GLG1: variants seen among roughly 807,000 people sequenced by gnomAD.
GLG1 encodes golgi glycoprotein 1, also known as Golgi apparatus protein 1.
Under a neutral mutation model 160.5 loss-of-function variants are expected in GLG1, and 38 were observed. The observed-to-expected ratio is 0.24, with a 90% confidence interval of 0.18 to 0.31. GLG1 has a LOEUF of 0.31. GLG1 is among the 10% of genes least tolerant of loss of function. GLG1 has a pLI of 1.00. For missense variants in GLG1, 1,373 were observed against 1,505.2 expected (o/e 0.91, Z 1.45); for synonymous variants, 644 against 543.4 (o/e 1.19, Z -2.57).
intron 1 of GLG1, among the ~76,000 whole-genome samples, chr16:74,580,284 G>A (rs573337717): frequency 3.3e-5 from 5 of 151,908 alleles, no homozygotes; most frequent in African/African-American, 9.7e-5. Flanking sequence ...AGGAGTTTGA[G>A]ACCAGCCTGA....
chr16:74,580,948 G>A (rs1230860936), intron 1 of GLG1, among the ~76,000 whole-genome samples: 2 of 152,134 alleles, frequency 1.3e-5, no homozygotes, highest in African/African-American at 2.4e-5. Context: ...ACTCCAGCCT[G>A]GGCAACAGAG....
chr16:74,567,268 T>C (rs536532210), intron 1 of GLG1, among the ~76,000 whole-genome samples: 15 of 152,092 alleles, frequency 9.9e-5, no homozygotes, highest in Admixed American at 3.9e-4. Context: ...TTTTGTTTTG[T>C]TGGTAGGAGG....
At position 74,544,141 on chromosome 16, in the gene GLG1, T is replaced by C. The variant is rs1051880995; in HGVS notation, c.439-11988A>G. Among the ~76,000 whole-genome samples, 9 of 152,252 alleles carry C rather than the reference T, an allele frequency of 5.9e-5. No homozygotes were observed. The Middle Eastern group carries it at 0.02, about 345-fold the overall frequency. On this transcript the variant is annotated intron_variant, in intron 1 of 25. Coordinates refer to ENST00000422840, the MANE Select transcript of GLG1 (RefSeq NM_001145667.2). Reference sequence around the variant, plus strand: ...TTAGCTCCCTAATAAAGAATGTTCATCTCCATTAACGGAAAAACAAAGAAG... The same window carrying C: ...TTAGCTCCCTAATAAAGAATGTTCACCTCCATTAACGGAAAAACAAAGAAG...
At position 74,452,589 on chromosome 16, in the gene GLG1, G is replaced by A. The variant is rs944563738; in HGVS notation, c.*578C>T. On this transcript the variant is annotated 3_prime_UTR_variant, in exon 26 of 26. Transcript: ENST00000422840. Reference sequence around the variant, plus strand: ...CAGGACCCCACACAGCCTGGGGAACGGCTGCCCACCCACGCCTCGGTGAAG... The same window carrying A: ...CAGGACCCCACACAGCCTGGGGAACAGCTGCCCACCCACGCCTCGGTGAAG... 32 of 1,000,012 alleles carry A rather than the reference G, an allele frequency of 3.2e-5. No homozygotes were observed. The highest frequency in any genetic ancestry group is 5.2e-5 in the African/African-American group (3 of 57,774). The allele number at this position is 1,000,012 out of a possible 1,614,324, so 61.9% of individuals were successfully genotyped here. A position where few individuals can be genotyped will look rare whatever the true frequency, so the allele number is the denominator to read the frequency against.
chr16:74,574,246 G>C (rs1301887526), intron 1 of GLG1, among the ~76,000 whole-genome samples: 1 of 152,136 alleles, frequency 6.6e-6, no homozygotes, highest in African/African-American at 2.4e-5. Flanking sequence ...AAATTCAGAG[G>C]GTGTTCACAG....
chr16:74,591,253 C>T (rs796498827), intron 1 of GLG1, among the ~76,000 whole-genome samples: 11 of 152,174 alleles, frequency 7.2e-5, no homozygotes, highest in African/African-American at 1.4e-4. Context: ...ATCACTTGAA[C>T]CCGGGAGGCG....
intron 13 of GLG1, among the ~76,000 whole-genome samples, chr16:74,473,171 T>C (rs1394607037): frequency 2.0e-5 from 3 of 152,174 alleles, no homozygotes; most frequent in African/African-American, 7.2e-5. Flanking sequence ...TCTGTATTTC[T>C]AAATAACATC....
At position 74,471,278 on chromosome 16, in the gene GLG1, T is replaced by A; in HGVS notation, c.2124A>T (p.Ala708=). 1 of 1,558,624 alleles carries A rather than the reference T, an allele frequency of 6.4e-7. No individual in the cohort carries two copies. Among genetic ancestry groups the A allele is most frequent in the South Asian group, 1.1e-5 (1 of 89,736 alleles). The change falls in exon 15 of 26, where the codon GCA becomes GCT. Residue 708 remains alanine, a synonymous_variant. Transcript: ENST00000422840. ...GGTCCCCAGAGTCTATCTGGTTATC[T>A]GCCACATCCTGGGGAAGACAGCATG... ...PIIQNFCHDV[A]DNQIDSGDLM...
At chr16:74,583,411 G>A (rs181385061) in intron 1 of GLG1, among the ~76,000 whole-genome samples, 3 of 152,126 alleles carry the variant, frequency 2.0e-5, no homozygotes, top group African/African-American at 4.8e-5. Context: ...GCAGAGTTTC[G>A]CTCTTGTCCC....
chr16:74,499,686 G>A (rs981146199), intron 4 of GLG1, among the ~76,000 whole-genome samples: 1 of 152,126 alleles, frequency 6.6e-6, no homozygotes, highest in Non-Finnish European at 1.5e-5. Flanking sequence ...GTGACTAAAT[G>A]TAACTACACT....
At chr16:74,517,814 C>T (rs1397792148) in intron 2 of GLG1, among the ~76,000 whole-genome samples, 1 of 152,054 alleles carries the variant, frequency 6.6e-6, no homozygotes, top group East Asian at 1.9e-4. Flanking sequence ...TCATCTCAGC[C>T]CAAAATCTCC....
chr16:74,520,064 C>G (rs1418430096), intron 2 of GLG1, among the ~76,000 whole-genome samples: 1 of 152,118 alleles, frequency 6.6e-6, no homozygotes, highest in Admixed American at 6.6e-5. Context: ...TTCCTATACA[C>G]CCATTATTAA....
At chr16:74,493,231 A>T in intron 6 of GLG1, 91 bp from the exon 7 acceptor site, 1 of 759,498 alleles carries the variant, frequency 1.3e-6, no homozygotes, top group Non-Finnish European at 2.2e-6. Context: ...GACTCAGCCA[A>T]GTACATGTCA....
intron 25 of GLG1, among the ~76,000 whole-genome samples, chr16:74,454,942 A>G (rs1012705719): frequency 6.6e-6 from 1 of 151,910 alleles, no homozygotes; most frequent in Non-Finnish European, 1.5e-5. Context: ...TGTCTCCACA[A>G]AAAATTATAA....
Position 74,452,953 on chromosome 16 carries a change from C to T in GLG1, c.*214G>A, listed in dbSNP as rs2014383919. On this transcript the variant is annotated 3_prime_UTR_variant, in exon 26 of 26. Coordinates refer to ENST00000422840, the MANE Select transcript of GLG1 (RefSeq NM_001145667.2). ...AGTTTGCCAAACAAAGGCAGTAACC[C>T]CAGCGACCAGCTGCTGCTGCTGCAC... 8.0e-7 allele frequency: 1 copy of T among 1,256,362 alleles called. No homozygotes were observed. Among genetic ancestry groups the T allele is most frequent in the Non-Finnish European group, 1.0e-6 (1 of 1,000,626 alleles). 77.8% of individuals were successfully genotyped at this position (1,256,362 alleles called of 1,614,324 possible).
Position 74,496,568 on chromosome 16 carries a change from T to G in GLG1, c.851A>C (p.Lys284Thr). 6.2e-7 allele frequency: 1 copy of G among 1,613,678 alleles called. No homozygotes were observed. Among genetic ancestry groups the G allele is most frequent in the Non-Finnish European group, 8.5e-7 (1 of 1,179,628 alleles). Reference protein sequence around the residue: ...LVKEAEEREPKIQVSELCKKA... With the variant: ...LVKEAEEREPTIQVSELCKKA... ...CTTGCAGAGTTCAGAAACTTGAATC[T>G]TGGGTTCTCTTTCTTCTGCTTCTTT... Residue 284 changes from lysine to threonine, a missense_variant, in exon 5 of 26, where the codon AAG (lysine) becomes ACG (threonine). Lys to Thr is a moderately conservative substitution (Grantham distance 78). Around this residue, in one of 4 missense-constraint regions of GLG1, gnomAD observed 174 missense variants for 229.9 expected, o/e 0.76. Transcript: ENST00000422840.
At chr16:74,488,446 C>T (rs1421218170) in intron 8 of GLG1, among the ~76,000 whole-genome samples, 1 of 151,984 alleles carries the variant, frequency 6.6e-6, no homozygotes, top group African/African-American at 2.4e-5. Context: ...AAACATTCGT[C>T]AATTTGACTG....
intron 1 of GLG1, among the ~76,000 whole-genome samples, chr16:74,532,625 G>C (rs1321035079): frequency 2.6e-5 from 4 of 151,988 alleles, no homozygotes; most frequent in African/African-American, 9.7e-5. Flanking sequence ...CCAGGCTCAG[G>C]TGATCCTCTG....
intron 1 of GLG1, among the ~76,000 whole-genome samples, chr16:74,551,630 A>G (rs1222340663): frequency 6.6e-6 from 1 of 151,398 alleles, no homozygotes; most frequent in Non-Finnish European, 1.5e-5. Flanking sequence ...TTTTTTAAAT[A>G]AAAGAAAATA....
Sources: gnomAD v4.1 joint callset for allele counts (sites outside exome capture counted in the v4.1 genomes callset) on GRCh38, gnomAD v4.1.1 for gene constraint, gnomAD v4.1.1 regional missense constraint, MANE v1.5 for transcripts, NCBI Gene and HGNC (gene_info 2026-07-23, HGNC 2026-07-21) for gene names.